Variants in DISC1 observed in about 807,000 individuals in gnomAD.
DISC1 encodes disrupted in schizophrenia 1 protein.
Under a neutral mutation model 84.5 loss-of-function variants are expected in DISC1, and 57 were observed. The ratio of observed to expected loss-of-function variants is 0.67; its 90% CI spans 0.55 to 0.84. The LOEUF (loss-of-function observed/expected upper bound fraction) is 0.84, where lower values mean the gene tolerates loss of function less well. DISC1 is among the 40% of genes least tolerant of loss of function. The pLI, the probability that DISC1 is intolerant of heterozygous loss-of-function variation, is 0.00. For missense variants in DISC1, 1,000 were observed against 1,057.8 expected, an observed-to-expected ratio of 0.95 and a Z score of 0.76; for synonymous variants, 411 against 415.2, an observed-to-expected ratio of 0.99 and a Z score of 0.12.
rs183762031 is a variant in DISC1 at position 231,923,505 on chromosome 1, A to G, written c.1982-35323A>G. On this transcript the variant is annotated intron_variant, in intron 9 of 12. Coordinates refer to ENST00000439617, the MANE Select transcript of DISC1 (RefSeq NM_018662.3). ...AAAAACTGGCCTTCTCTTTCTTTTT[A>G]TTCTGCAACATTTTGCCTTGGGGCC... Among the ~76,000 whole-genome samples, 357 of 152,190 alleles carry G rather than the reference A, an allele frequency of 2.3e-3. 3 individuals are homozygous for G. The highest frequency in any genetic ancestry group is 8.4e-3 in the African/African-American group (347 of 41,534).
At chr1:231,677,084 A>G (rs914306865) in intron 1 of DISC1, among the ~76,000 whole-genome samples, 3 of 152,216 alleles carry the variant, frequency 2.0e-5, no homozygotes, top group African/African-American at 4.8e-5. Flanking sequence ...CTCTAGGGTA[A>G]AATACAGATC....
intron 9 of DISC1, among the ~76,000 whole-genome samples, chr1:231,848,594 G>A (rs2083629610): frequency 6.6e-6 from 1 of 152,186 alleles, no homozygotes; most frequent in Non-Finnish European, 1.5e-5. Context: ...TCTAGGATGT[G>A]TCCAGGATGG....
intron 9 of DISC1, among the ~76,000 whole-genome samples, chr1:231,912,325 G>A (rs1438560055): frequency 6.6e-6 from 1 of 152,106 alleles, no homozygotes; most frequent in Non-Finnish European, 1.5e-5. Context: ...TCTACTTTTG[G>A]TCTTTGATGA....
At chr1:231,718,559 C>T (rs142959624) in intron 3 of DISC1, among the ~76,000 whole-genome samples, 3,420 of 152,172 alleles carry the variant, frequency 0.022, 64 homozygotes, top group Non-Finnish European at 0.032. Context: ...GCCTCAGCCT[C>T]CCGAGTAGCT....
intron 11 of DISC1, among the ~76,000 whole-genome samples, chr1:232,024,095 T>G (rs1669221221): frequency 6.6e-6 from 1 of 151,860 alleles, no homozygotes; most frequent in African/African-American, 2.4e-5. Flanking sequence ...GTGATTTTTA[T>G]GTATTTGCTG....
chr1:231,682,501 A>T (rs1470237525), intron 1 of DISC1, among the ~76,000 whole-genome samples: 1 of 152,192 alleles, frequency 6.6e-6, no homozygotes, highest in Non-Finnish European at 1.5e-5. Context: ...TCCTTCCAGC[A>T]ATCCTAGGGG....
intron 9 of DISC1, among the ~76,000 whole-genome samples, chr1:231,863,893 G>T (rs1037929251): frequency 6.6e-6 from 1 of 150,450 alleles, no homozygotes; most frequent in African/African-American, 2.5e-5. Context: ...AATCAAAGCG[G>T]TTATTCAATT....
chr1:231,895,550 C>G (rs2087620711), intron 9 of DISC1, among the ~76,000 whole-genome samples: 1 of 151,820 alleles, frequency 6.6e-6, no homozygotes, highest in African/African-American at 2.4e-5. Context: ...AAATTCAGAT[C>G]AATAAGGTTT....
rs116104488 is a variant in DISC1 at position 231,706,124 on chromosome 1, A to G, written c.1117+4100A>G. ...CATCTCTCCATCACTAGGGAAGTAAAGTTAATATTTCCTTATATTCTTGCA... is the reference window on the plus strand; with the variant it reads ...CATCTCTCCATCACTAGGGAAGTAAGGTTAATATTTCCTTATATTCTTGCA... On this transcript the variant is annotated intron_variant, in intron 3 of 12. Coordinates refer to ENST00000439617, the MANE Select transcript of DISC1 (RefSeq NM_018662.3). 4.7e-3 allele frequency among the ~76,000 whole-genome samples: 717 copies of G among 152,290 alleles called. 4 individuals are homozygous for G. The highest frequency in any genetic ancestry group is 0.016 in the African/African-American group (681 of 41,558).
intron 3 of DISC1, among the ~76,000 whole-genome samples, chr1:231,734,790 T>A (rs527891572): frequency 6.6e-6 from 1 of 152,328 alleles, no homozygotes; most frequent in African/African-American, 2.4e-5. Context: ...AATTTTTGTA[T>A]CATCTCCAAA....
At chr1:232,025,677 A>T (rs967837479) in intron 11 of DISC1, among the ~76,000 whole-genome samples, 5 of 150,914 alleles carry the variant, frequency 3.3e-5, no homozygotes, top group African/African-American at 1.2e-4. Flanking sequence ...GCTCACTGCA[A>T]GCTCCGCCTC....
At chr1:231,839,607 T>C (rs2082884780) in intron 9 of DISC1, among the ~76,000 whole-genome samples, 1 of 152,188 alleles carries the variant, frequency 6.6e-6, no homozygotes, top group Admixed American at 6.5e-5. Flanking sequence ...CCTCCACTGC[T>C]CCTGAACATT....
chr1:231,636,407 G>C (rs969188105), intron 1 of DISC1, among the ~76,000 whole-genome samples: 2 of 152,054 alleles, frequency 1.3e-5, no homozygotes, highest in African/African-American at 4.8e-5. Flanking sequence ...CTGGCTAATC[G>C]GCCTTGGGGA....
At chr1:231,879,011 G>A (rs1483273335) in intron 9 of DISC1, among the ~76,000 whole-genome samples, 2 of 151,966 alleles carry the variant, frequency 1.3e-5, no homozygotes, top group Non-Finnish European at 2.9e-5. Context: ...TGGACATTTG[G>A]GTAGTGTCTG....
intron 6 of DISC1, among the ~76,000 whole-genome samples, chr1:231,775,113 A>T (rs1310628136): frequency 6.6e-6 from 1 of 152,234 alleles, no homozygotes; most frequent in Non-Finnish European, 1.5e-5. Flanking sequence ...AAACCTAGAG[A>T]AACAGATCAC....
At chr1:231,764,546 G>T (rs1375470139) in intron 4 of DISC1, among the ~76,000 whole-genome samples, 1 of 152,118 alleles carries the variant, frequency 6.6e-6, no homozygotes, top group African/African-American at 2.4e-5. Flanking sequence ...AGAAAAAACA[G>T]CAATAAATAG....
intron 9 of DISC1, among the ~76,000 whole-genome samples, chr1:231,849,075 T>TA (rs1407793169): frequency 1.3e-5 from 2 of 152,136 alleles, no homozygotes; most frequent in Non-Finnish European, 2.9e-5. Context: ...TGATATGTGT[T>TA]ACGTTTACTT....
chr1:231,971,677 G>T (rs1661979307), intron 10 of DISC1, among the ~76,000 whole-genome samples: 1 of 152,132 alleles, frequency 6.6e-6, no homozygotes, highest in Non-Finnish European at 1.5e-5. Context: ...ACCAGGATGG[G>T]TTCTAAATCC....
chr1:231,740,920 T>C (rs1160739340), intron 3 of DISC1, among the ~76,000 whole-genome samples: 1 of 152,226 alleles, frequency 6.6e-6, no homozygotes, highest in Non-Finnish European at 1.5e-5. Flanking sequence ...TTTCAGACTT[T>C]GGGGCATTTC....
Sources: gnomAD v4.1 joint callset for allele counts (sites outside exome capture counted in the v4.1 genomes callset) on GRCh38, gnomAD v4.1.1 for gene constraint, MANE v1.5 for transcripts, NCBI Gene and HGNC (gene_info 2026-07-23, HGNC 2026-07-21) for gene names.